Variants in FOXN3 observed in about 807,000 individuals in gnomAD.
FOXN3 encodes the protein forkhead box protein N3.
Under a neutral mutation model 38.4 loss-of-function variants are expected in FOXN3, and 7 were observed. The ratio of observed to expected loss-of-function variants is 0.18; its 90% CI spans 0.10 to 0.34. The LOEUF is 0.34. Ranked by LOEUF, FOXN3 falls within the 10% of genes least tolerant of loss-of-function variation. The pLI is 1.00. For missense variants in FOXN3, 456 were observed against 613.4 expected (o/e 0.74, Z 2.71); for synonymous variants, 230 against 242.2 (o/e 0.95, Z 0.47).
chr14:89,441,270 A>T (rs947383500), intron 1 of FOXN3, among the ~76,000 whole-genome samples: 1 of 151,634 alleles, frequency 6.6e-6, no homozygotes, highest in Non-Finnish European at 1.5e-5. Context: ...CTCCCCAACG[A>T]CTCCATTCAC....
intron 2 of FOXN3, among the ~76,000 whole-genome samples, chr14:89,383,012 G>GCA (rs1566973416): frequency 7.0e-6 from 1 of 142,870 alleles, no homozygotes; most frequent in South Asian, 2.3e-4. Flanking sequence ...TGTGTTTGGA[G>GCA]CACAGTTTTG....
chr14:89,594,610 A>G (rs1354309416), intron 1 of FOXN3, among the ~76,000 whole-genome samples: 1 of 152,238 alleles, frequency 6.6e-6, no homozygotes, highest in Non-Finnish European at 1.5e-5. Context: ...TATCCTTCAT[A>G]TAAGCCTTTT....
At chr14:89,588,761 T>C (rs1895896915) in intron 1 of FOXN3, among the ~76,000 whole-genome samples, 1 of 152,220 alleles carries the variant, frequency 6.6e-6, no homozygotes, top group African/African-American at 2.4e-5. Context: ...GGGGTAGGGC[T>C]GCTGTCTTCA....
chr14:89,452,560 G>A (rs1465285823), intron 1 of FOXN3, among the ~76,000 whole-genome samples: 3 of 152,178 alleles, frequency 2.0e-5, no homozygotes, highest in East Asian at 1.9e-4. Context: ...GGGAAAGCCC[G>A]TTTTGATGGG....
At chr14:89,524,976 C>T (rs982210915) in intron 1 of FOXN3, among the ~76,000 whole-genome samples, 3 of 152,150 alleles carry the variant, frequency 2.0e-5, no homozygotes, top group African/African-American at 7.2e-5. Context: ...GCAGGAATAT[C>T]ATCACCCCTA....
At chr14:89,405,720 G>C (rs1226359779) in intron 2 of FOXN3, among the ~76,000 whole-genome samples, 2 of 152,118 alleles carry the variant, frequency 1.3e-5, no homozygotes, top group Non-Finnish European at 2.9e-5. Flanking sequence ...AATATACTCT[G>C]TATTTGCCTT....
chr14:89,371,667 C>T (rs1442021882), intron 2 of FOXN3, among the ~76,000 whole-genome samples: 1 of 152,078 alleles, frequency 6.6e-6, no homozygotes, highest in Admixed American at 6.6e-5. Context: ...TTTATGGATG[C>T]ATCTACAGGC....
intron 3 of FOXN3, among the ~76,000 whole-genome samples, chr14:89,300,004 T>A (rs1277208864): frequency 6.6e-6 from 1 of 152,152 alleles, no homozygotes; most frequent in Non-Finnish European, 1.5e-5. Flanking sequence ...CACAGCAGCA[T>A]CATTTTGAGG....
intron 1 of FOXN3, among the ~76,000 whole-genome samples, chr14:89,507,133 A>AAG (rs1893957928): frequency 6.7e-6 from 1 of 149,378 alleles, no homozygotes; most frequent in Middle Eastern, 3.4e-3. Flanking sequence ...AAAAAAAAAA[A>AAG]GAAAAAAAAA....
intron 4 of FOXN3, among the ~76,000 whole-genome samples, chr14:89,237,906 G>A (rs927660404): frequency 4.6e-5 from 7 of 152,160 alleles, no homozygotes; most frequent in African/African-American, 1.7e-4. Context: ...AGAGCTGTGT[G>A]CTGTACGATG....
intron 1 of FOXN3, among the ~76,000 whole-genome samples, chr14:89,551,718 A>C (rs1337429543): frequency 6.6e-6 from 1 of 152,154 alleles, no homozygotes; most frequent in Non-Finnish European, 1.5e-5. Flanking sequence ...AGTGTCCAGT[A>C]TGTAGCAGGT....
intron 3 of FOXN3, among the ~76,000 whole-genome samples, chr14:89,309,931 A>G (rs1012113047): frequency 3.9e-5 from 6 of 152,226 alleles, no homozygotes; most frequent in African/African-American, 9.6e-5. Flanking sequence ...CCAGATCTCT[A>G]AAAACAGGTC....
At chr14:89,542,388 A>G (rs1894806726) in intron 1 of FOXN3, among the ~76,000 whole-genome samples, 1 of 152,194 alleles carries the variant, frequency 6.6e-6, no homozygotes, top group Admixed American at 6.5e-5. Context: ...TAACTTTCTG[A>G]GAATGGAGCC....
chr14:89,557,339 A>G (rs1184766357), intron 1 of FOXN3, among the ~76,000 whole-genome samples: 1 of 152,156 alleles, frequency 6.6e-6, no homozygotes, highest in Non-Finnish European at 1.5e-5. Context: ...CCTAGGTTTC[A>G]TGAACATGTC....
At position 89,162,577 on chromosome 14, in the gene FOXN3, A is replaced by C; in HGVS notation, c.1244T>G (p.Leu415Arg). ...ARKVPSDTLP[L>R]KKRRTEKPPE... ...GGGCTTTTCGGTGCGTCTCTTTTTG[A>C]GGGGCAGTGTGTCGCTGGGGACCTT... The change falls in exon 6 of 6, where the codon CTC becomes CGC. Residue 415 changes from leucine to arginine, a missense_variant. Around this residue, in one of 3 missense-constraint regions of FOXN3, gnomAD observed 386 missense variants for 505.2 expected, o/e 0.76. Coordinates refer to ENST00000557258, the MANE Select transcript of FOXN3 (RefSeq NM_005197.4). The surrounding 1 kb of genome is among the most constrained non-coding windows in gnomAD (Gnocchi z 7.2). The C allele has an allele frequency of 6.2e-7, 1 of 1,604,864 alleles. No homozygotes were observed. Among genetic ancestry groups the C allele is most frequent in the Non-Finnish European group, 8.5e-7 (1 of 1,175,996 alleles).
intron 4 of FOXN3, among the ~76,000 whole-genome samples, chr14:89,246,471 G>C (rs1432767911): frequency 6.7e-6 from 1 of 150,090 alleles, no homozygotes; most frequent in Non-Finnish European, 1.5e-5. Flanking sequence ...AGAGTGGGCA[G>C]AGAATCTCAT....
intron 2 of FOXN3, among the ~76,000 whole-genome samples, chr14:89,373,726 C>T (rs529210731): frequency 6.6e-6 from 1 of 152,078 alleles, no homozygotes; most frequent in East Asian, 1.9e-4. Flanking sequence ...CTAAACCACA[C>T]CTTTAATAGT....
intron 2 of FOXN3, among the ~76,000 whole-genome samples, chr14:89,392,968 G>A (rs564438966): frequency 5.3e-5 from 8 of 151,924 alleles, no homozygotes; most frequent in South Asian, 2.1e-4. Context: ...CACCACGCCC[G>A]GCTAATTTTT....
chr14:89,424,894 C>T (rs1479815150), intron 1 of FOXN3, among the ~76,000 whole-genome samples: 1 of 151,972 alleles, frequency 6.6e-6, no homozygotes, highest in African/African-American at 2.4e-5. Context: ...GATAGAAAAT[C>T]TGTGCCCAGC....
Sources: allele counts gnomAD v4.1 joint callset (sites outside exome capture counted in the v4.1 genomes callset), GRCh38; gene constraint gnomAD v4.1.1; regional missense constraint gnomAD v4.1.1; non-coding constraint Gnocchi (gnomAD v3.1); transcripts MANE v1.5; gene names NCBI Gene and HGNC (gene_info 2026-07-23, HGNC 2026-07-21).